Variants in NRG3 observed in about 807,000 individuals in gnomAD.
The protein encoded by NRG3 is pro-neuregulin-3, membrane-bound isoform.
Under a neutral mutation model 66.9 loss-of-function variants are expected in NRG3, and 31 were observed. The observed-to-expected ratio is 0.46, with a 90% CI of 0.35 to 0.63. NRG3 has a LOEUF of 0.63. NRG3 is among the 20% of genes least tolerant of loss of function. NRG3 has a pLI of 0.00. For synonymous variants in NRG3, 393 were observed against 359.4 expected (o/e 1.09, Z -1.06); for missense variants, 910 against 878.9 (o/e 1.04, Z -0.45).
intron 1 of NRG3, among the ~76,000 whole-genome samples, chr10:81,966,462 GTTC>G (rs1426612321): frequency 6.6e-6 from 1 of 151,704 alleles, no homozygotes; most frequent in East Asian, 1.9e-4. Flanking sequence ...TATATTTTCT[GTTC>G]TTCTATTTAT....
intron 3 of NRG3, among the ~76,000 whole-genome samples, chr10:82,768,944 CTCTT>C (rs1336565087): frequency 6.6e-6 from 1 of 152,048 alleles, no homozygotes; most frequent in Non-Finnish European, 1.5e-5. Flanking sequence ...TATATGTGTT[CTCTT>C]TCTATGTATT....
intron 1 of NRG3, among the ~76,000 whole-genome samples, chr10:82,075,746 A>G (rs997998873): frequency 2.0e-5 from 3 of 151,970 alleles, no homozygotes; most frequent in South Asian, 4.1e-4. Context: ...CTGTGTGTGT[A>G]ATGAGACATT....
At chr10:82,773,132 T>C (rs1056128685) in intron 3 of NRG3, among the ~76,000 whole-genome samples, 1 of 152,110 alleles carries the variant, frequency 6.6e-6, no homozygotes, top group African/African-American at 2.4e-5. Flanking sequence ...CATATGGTTG[T>C]TCTGTTTTTA....
chr10:82,976,989 C>T (rs1852325840), intron 7 of NRG3, among the ~76,000 whole-genome samples: 2 of 152,176 alleles, frequency 1.3e-5, no homozygotes, highest in Non-Finnish European at 1.5e-5. Flanking sequence ...ACTTATCACA[C>T]TTTTGTATAT....
chr10:82,210,274 T>C (rs1030290154), intron 1 of NRG3, among the ~76,000 whole-genome samples: 3 of 152,188 alleles, frequency 2.0e-5, no homozygotes, highest in African/African-American at 7.2e-5. Context: ...TAAGGTAAAG[T>C]TATTAAAGTC....
chr10:82,852,884 C>T (rs1315815233), intron 3 of NRG3, among the ~76,000 whole-genome samples: 1 of 152,158 alleles, frequency 6.6e-6, no homozygotes, highest in Non-Finnish European at 1.5e-5. Flanking sequence ...CTTTAAAATA[C>T]CTGGATTCAA....
At chr10:81,970,518 T>G (rs1281881929) in intron 1 of NRG3, among the ~76,000 whole-genome samples, 7 of 152,232 alleles carry the variant, frequency 4.6e-5, no homozygotes, top group Non-Finnish European at 8.8e-5. Flanking sequence ...ATTTCCGTAT[T>G]GCAAATTCAA....
At chr10:82,622,406 T>C (rs148884910) in intron 2 of NRG3, among the ~76,000 whole-genome samples, 3 of 152,264 alleles carry the variant, frequency 2.0e-5, no homozygotes, top group Admixed American at 6.5e-5. Context: ...TTTACCCAGA[T>C]GTGTTTATCA....
At chr10:81,888,620 G>A (rs1256112769) in intron 1 of NRG3, among the ~76,000 whole-genome samples, 1 of 152,128 alleles carries the variant, frequency 6.6e-6, no homozygotes, top group Non-Finnish European at 1.5e-5. Context: ...GGGAGGCCCA[G>A]GGAGGGAAAG....
intron 1 of NRG3, among the ~76,000 whole-genome samples, chr10:81,985,156 C>T (rs550257406): frequency 6.6e-6 from 1 of 152,286 alleles, no homozygotes; most frequent in South Asian, 2.1e-4. Flanking sequence ...CTAAACAATC[C>T]TTCGAGACAA....
At chr10:82,139,360 T>A (rs2132619314) in intron 1 of NRG3, among the ~76,000 whole-genome samples, 1 of 152,320 alleles carries the variant, frequency 6.6e-6, no homozygotes, top group East Asian at 1.9e-4. Flanking sequence ...CAGTTAACTT[T>A]ATAAATGACA....
chr10:81,977,347 T>A (rs2060162087), intron 1 of NRG3, among the ~76,000 whole-genome samples: 1 of 152,224 alleles, frequency 6.6e-6, no homozygotes, highest in African/African-American at 2.4e-5. Flanking sequence ...GGCATCTAGA[T>A]CATGCTTGAC....
At chr10:82,205,460 A>G (rs1354667491) in intron 1 of NRG3, among the ~76,000 whole-genome samples, 1 of 152,208 alleles carries the variant, frequency 6.6e-6, no homozygotes, top group African/African-American at 2.4e-5. Flanking sequence ...TATAGAAGCA[A>G]GAAGAGAACT....
At chr10:81,974,822 G>C (rs1206972494) in intron 1 of NRG3, among the ~76,000 whole-genome samples, 1 of 152,066 alleles carries the variant, frequency 6.6e-6, no homozygotes, top group Non-Finnish European at 1.5e-5. Flanking sequence ...AACAACTTAA[G>C]TAATTGTTAC....
chr10:82,877,371 CTTTTTTTTTTT>C (rs59994503), intron 4 of NRG3, among the ~76,000 whole-genome samples: 1 of 79,000 alleles, frequency 1.3e-5, no homozygotes, highest in South Asian at 5.6e-4. Context: ...ATAGGGCAGA[CTTTTTTTTTTT>C]TTTTTTTTTT....
chr10:82,077,447 G>C (rs1274155214), intron 1 of NRG3, among the ~76,000 whole-genome samples: 1 of 152,110 alleles, frequency 6.6e-6, no homozygotes, highest in African/African-American at 2.4e-5. Context: ...TTTCATGCAA[G>C]GTATAGTTCT....
At chr10:82,436,709 G>T (rs973819776) in intron 2 of NRG3, among the ~76,000 whole-genome samples, 1 of 152,112 alleles carries the variant, frequency 6.6e-6, no homozygotes, top group Non-Finnish European at 1.5e-5. Context: ...CTTCTTTCAG[G>T]AACCCCTGCA....
At chr10:82,362,131 A>G (rs1484201026) in intron 2 of NRG3, among the ~76,000 whole-genome samples, 1 of 144,106 alleles carries the variant, frequency 6.9e-6, no homozygotes. Flanking sequence ...ATCCCAGAAA[A>G]GGGAGGAGTT....
chr10:82,907,067 T>G (rs1372645727), intron 4 of NRG3, among the ~76,000 whole-genome samples: 1 of 152,172 alleles, frequency 6.6e-6, no homozygotes, highest in Non-Finnish European at 1.5e-5. Context: ...AGTCCTATTA[T>G]TCTCAGTTGC....
Sources: allele counts gnomAD v4.1 joint callset (sites outside exome capture counted in the v4.1 genomes callset), GRCh38; gene constraint gnomAD v4.1.1; transcripts MANE v1.5; gene names NCBI Gene and HGNC (gene_info 2026-07-23, HGNC 2026-07-21).